The following TMEM182 variants were observed in gnomAD, a reference collection of about 807,000 sequenced individuals.
TMEM182 encodes transmembrane protein 182.
Under a neutral mutation model 26.8 loss-of-function variants are expected in TMEM182, and 20 were observed. The ratio of observed to expected loss-of-function variants is 0.75; its 90% confidence interval spans 0.53 to 1.09. The LOEUF (loss-of-function observed/expected upper bound fraction) is 1.09, where lower values mean the gene tolerates loss of function less well. Among genes scored for constraint, TMEM182 ranks in the 50% least tolerant of loss-of-function variants. The probability of loss-of-function intolerance (pLI) is 0.00; values close to 1 mark genes in which losing one functional copy is unlikely to be tolerated. For missense variants in TMEM182, 277 were observed against 275.5 expected (o/e 1.01, Z -0.04); for synonymous variants, 109 against 102.2 (o/e 1.07, Z -0.40).
intron 3 of TMEM182, among the ~76,000 whole-genome samples, chr2:102,774,879 T>C (rs1445983038): frequency 2.0e-5 from 3 of 152,224 alleles, no homozygotes; most frequent in African/African-American, 7.2e-5. Flanking sequence ...ATGTTGAAAT[T>C]AGATAGAGTG....
chr2:102,834,553 G>A (rs1429770968), intron 3 of TMEM182: 12 of 480,718 alleles, frequency 2.5e-5, no homozygotes, highest in Non-Finnish European at 3.3e-5. Flanking sequence ...CCATGAGAGT[G>A]TTATTGCTAC....
intron 1 of TMEM182, among the ~76,000 whole-genome samples, chr2:102,737,965 G>A (rs967615604): frequency 2.0e-5 from 3 of 152,192 alleles, no homozygotes; most frequent in Non-Finnish European, 2.9e-5. Flanking sequence ...CTCATGGGAG[G>A]TGGCACTGAA....
chr2:102,830,988 C>T (rs1683138456), intron 3 of TMEM182, among the ~76,000 whole-genome samples: 1 of 152,206 alleles, frequency 6.6e-6, no homozygotes. Flanking sequence ...GCTTATTTCA[C>T]TTAACATAAT....
intron 3 of TMEM182, among the ~76,000 whole-genome samples, chr2:102,838,714 T>A (rs1214596684): frequency 6.6e-6 from 1 of 152,136 alleles, no homozygotes; most frequent in African/African-American, 2.4e-5. Flanking sequence ...CAGACGTGTG[T>A]TCTGGGGTTC....
chr2:102,769,260 CA>C (rs1680581179), intron 3 of TMEM182, among the ~76,000 whole-genome samples: 1 of 152,030 alleles, frequency 6.6e-6, no homozygotes, highest in Non-Finnish European at 1.5e-5. Flanking sequence ...TCAGTATCAT[CA>C]GGGGTTGAAC....
chr2:102,797,173 A>G (rs1191099765), intron 3 of TMEM182, among the ~76,000 whole-genome samples: 1 of 152,116 alleles, frequency 6.6e-6, no homozygotes. Context: ...TATACTTCTC[A>G]TTTTGAATCT....
At chr2:102,843,481 C>T (rs1437330770) in exon 4 of TMEM182, 3 of 152,238 alleles carry the variant, frequency 2.0e-5, no homozygotes, top group African/African-American at 4.8e-5. Context: ...CGTGAAACGT[C>T]TTCAGCCATC....
chr2:102,815,032 T>A lies in TMEM182; in HGVS notation c.*64T>A. 6.3e-7 allele frequency: 1 copy of A among 1,576,392 alleles called. No individual in the cohort carries two copies. The highest frequency in any genetic ancestry group is 2.3e-5 in the East Asian group (1 of 44,336). On this transcript the variant is annotated 3_prime_UTR_variant, in exon 5 of 5. Transcript: ENST00000412401. ...AAACAAGGAATACTTTTTTTCCATTTTGTTTCATTGATCCCAGCATAAAGT... is the reference window on the plus strand; with the variant it reads ...AAACAAGGAATACTTTTTTTCCATTATGTTTCATTGATCCCAGCATAAAGT...
chr2:102,798,506 C>T (rs962114074), intron 4 of TMEM182, among the ~76,000 whole-genome samples: 1 of 152,120 alleles, frequency 6.6e-6, no homozygotes, highest in African/African-American at 2.4e-5. Context: ...ATCATAGGTA[C>T]AAAAATATTT....
At chr2:102,804,309 C>T (rs893758433) in intron 4 of TMEM182, among the ~76,000 whole-genome samples, 1 of 152,070 alleles carries the variant, frequency 6.6e-6, no homozygotes, top group East Asian at 1.9e-4. Flanking sequence ...TCCCTTGCCC[C>T]CTTCTACCCT....
Position 102,797,993 on chromosome 2 carries a change from T to C in TMEM182, c.462T>C (p.Ile154=). Reference sequence around the variant, plus strand: ...ACAAAGCTGGGGGAGGCTCATATATTGCTGCAGGTACGTACGGTGCAATGG... The same window carrying C: ...ACAAAGCTGGGGGAGGCTCATATATCGCTGCAGGTACGTACGGTGCAATGG... The part of the protein sequence containing the change: ...FLYKAGGGSY[I]AAGILFSLVV... Residue 154 remains isoleucine, a synonymous_variant, in exon 4 of 5, where the codon ATT becomes ATC. Transcript: ENST00000412401. 6.2e-7 allele frequency: 1 copy of C among 1,613,824 alleles called. No homozygotes were observed. The highest frequency in any genetic ancestry group is 1.1e-5 in the South Asian group (1 of 91,010).
At chr2:102,758,210 C>T (rs546265578), upstream of TMEM182, among the ~76,000 whole-genome samples, 27 of 152,208 alleles carry the variant, frequency 1.8e-4, no homozygotes, top group South Asian at 5.6e-3. Flanking sequence ...TTGAAAGGCC[C>T]CTTTTCCTGG....
upstream of TMEM182, among the ~76,000 whole-genome samples, chr2:102,757,088 G>T (rs1026706924): frequency 6.6e-6 from 1 of 152,122 alleles, no homozygotes; most frequent in Admixed American, 6.5e-5. Context: ...GGGATTACAG[G>T]TGTGAGCCAC....
intron 3 of TMEM182, among the ~76,000 whole-genome samples, chr2:102,833,156 G>A (rs1461774772): frequency 6.6e-6 from 1 of 152,182 alleles, no homozygotes; most frequent in Non-Finnish European, 1.5e-5. Flanking sequence ...GCAGGTGGGA[G>A]GTTGGAGGAG....
upstream of TMEM182, among the ~76,000 whole-genome samples, chr2:102,760,329 G>T (rs1680168529): frequency 6.6e-6 from 1 of 152,186 alleles, no homozygotes; most frequent in Non-Finnish European, 1.5e-5. Flanking sequence ...ACAGAGGATT[G>T]AAACTTGTGC....
At chr2:102,801,310 C>G (rs561773992) in intron 4 of TMEM182, among the ~76,000 whole-genome samples, 154 of 152,210 alleles carry the variant, frequency 1.0e-3, no homozygotes, top group African/African-American at 3.6e-3. Flanking sequence ...GCACTCAGAC[C>G]CAGTGGATTA....
At chr2:102,786,188 A>T (rs1373318434) in intron 3 of TMEM182, among the ~76,000 whole-genome samples, 4 of 146,254 alleles carry the variant, frequency 2.7e-5, no homozygotes, top group African/African-American at 1.0e-4. Context: ...GGAGAGGAAG[A>T]TTACATAGCA....
chr2:102,810,555 A>G (rs1366801644), intron 4 of TMEM182, among the ~76,000 whole-genome samples: 1 of 152,184 alleles, frequency 6.6e-6, no homozygotes. Flanking sequence ...AAGAGAACCC[A>G]TGCAAAATTA....
At chr2:102,736,982 G>T in exon 1 of TMEM182, 1 of 682,700 alleles carries the variant, frequency 1.5e-6, no homozygotes, top group Non-Finnish European at 2.4e-6. Context: ...CTGGTCTCAG[G>T]CAAGGTGGGG....
Sources: gnomAD v4.1 joint callset for allele counts (sites outside exome capture counted in the v4.1 genomes callset) on GRCh38, gnomAD v4.1.1 for gene constraint, MANE v1.5 for transcripts, NCBI Gene and HGNC (gene_info 2026-07-23, HGNC 2026-07-21) for gene names.